Variants in ATP10B observed in about 807,000 individuals in gnomAD.
ATP10B encodes the protein phospholipid-transporting ATPase VB.
Under a neutral mutation model 141.2 loss-of-function variants are expected in ATP10B, and 122 were observed. The observed-to-expected ratio is 0.86, with a 90% CI of 0.75 to 1.00. ATP10B has a LOEUF of 1.00. ATP10B is among the 50% of genes least tolerant of loss of function. The probability of loss-of-function intolerance (pLI) is 0.00; values close to 1 mark genes in which losing one functional copy is unlikely to be tolerated. For missense variants in ATP10B, 1,876 were observed against 1,825.3 expected, an observed-to-expected ratio of 1.03 and a Z score of -0.51; for synonymous variants, 685 against 692.0, an observed-to-expected ratio of 0.99 and a Z score of 0.16.
At chr5:160,892,929 G>A in the ATP10B span, among the ~76,000 whole-genome samples, 483 of 152,260 alleles carry the variant, frequency 3.2e-3, 4 homozygotes, top group African/African-American at 0.011. Context: ...CATGTAACCC[G>A]GGAAGTGCAA....
intron 17 of ATP10B, among the ~76,000 whole-genome samples, chr5:160,614,738 T>A (rs905513886): frequency 5.9e-5 from 9 of 152,172 alleles, no homozygotes; most frequent in Non-Finnish European, 1.3e-4. Flanking sequence ...ACAGTGACCT[T>A]GGGTCTTTCC....
chr5:160,697,514 A>T (rs1004222745), intron 3 of ATP10B, among the ~76,000 whole-genome samples: 2 of 150,896 alleles, frequency 1.3e-5, no homozygotes, highest in Non-Finnish European at 3.0e-5. Context: ...CCTTATTCAC[A>T]GGCTACAAAA....
Position 160,565,316 on chromosome 5 carries a change from CT to C in ATP10B, c.*136del. On this transcript the variant is annotated 3_prime_UTR_variant, in exon 26 of 26. Transcript: ENST00000327245. ...TCAGACCCCTTGGGGCCAGCACTTC[CT>C]CCATGGAAGTCAAGGTTGTTGAAGA... is the stretch of plus-strand genomic sequence containing the variant. The C allele has an allele frequency of 1.1e-6, 1 of 929,086 alleles. No homozygotes were observed. The highest frequency in any genetic ancestry group is 2.5e-5 in the East Asian group (1 of 39,296). 57.6% of individuals were successfully genotyped at this position (929,086 alleles called of 1,614,324 possible). A position where few individuals can be genotyped will look rare whatever the true frequency, so the allele number is the denominator to read the frequency against.
At chr5:160,890,993 A>ATG in the ATP10B span, among the ~76,000 whole-genome samples, 12 of 126,016 alleles carry the variant, frequency 9.5e-5, no homozygotes, top group South Asian at 7.1e-4. Context: ...GTTTACGTGT[A>ATG]TGTGTGTGCG....
chr5:160,920,767 A>G, the ATP10B span, among the ~76,000 whole-genome samples: 32 of 152,300 alleles, frequency 2.1e-4, no homozygotes, highest in African/African-American at 7.2e-4. Context: ...GAGCTTGGCA[A>G]AAATGGAGAT....
At chr5:160,572,201 C>CT (rs1485777619) in intron 24 of ATP10B, among the ~76,000 whole-genome samples, 3 of 151,340 alleles carry the variant, frequency 2.0e-5, no homozygotes, top group African/African-American at 7.3e-5. Flanking sequence ...TTTTTTTCCC[C>CT]TTTTTTAAAG....
chr5:160,894,614 C>T, the ATP10B span, among the ~76,000 whole-genome samples: 4 of 152,070 alleles, frequency 2.6e-5, no homozygotes. Context: ...AATGGAACCA[C>T]GTTGGAAAAC....
intron 2 of ATP10B, among the ~76,000 whole-genome samples, chr5:160,727,672 C>G (rs1373867889): frequency 1.3e-5 from 2 of 152,034 alleles, no homozygotes; most frequent in African/African-American, 4.8e-5. Flanking sequence ...AGACTGAAAT[C>G]AGCTATGTGG....
In ATP10B at chr5:160,578,527, T is replaced by C. The variant is rs564097276; in HGVS notation, c.3751-8844A>G. On this transcript the variant is annotated intron_variant, in intron 24 of 25. Coordinates refer to ENST00000327245, the MANE Select transcript of ATP10B (RefSeq NM_025153.3). ...CCTTCAAAGGACAACTCATCCTTTT[T>C]TTATGGTTGCATAGTATTCCATGGT... Among the ~76,000 whole-genome samples the C allele has an allele frequency of 7.9e-5, 12 of 152,332 alleles. No individual in the cohort carries two copies. In the East Asian group the frequency reaches 2.3e-3, roughly 29 times the overall value.
chr5:160,657,833 C>G (rs184174803), intron 7 of ATP10B, among the ~76,000 whole-genome samples: 1 of 152,230 alleles, frequency 6.6e-6, no homozygotes, highest in African/African-American at 2.4e-5. Flanking sequence ...CTACAGCATC[C>G]GGCAGATAGA....
the ATP10B span, among the ~76,000 whole-genome samples, chr5:160,921,964 G>T: frequency 6.6e-6 from 1 of 152,238 alleles, no homozygotes; most frequent in African/African-American, 2.4e-5. Context: ...AAGAATAAAG[G>T]CCTAGGCCTC....
chr5:160,702,004 C>A (rs1764711254), intron 3 of ATP10B, among the ~76,000 whole-genome samples: 1 of 151,694 alleles, frequency 6.6e-6, no homozygotes, highest in African/African-American at 2.4e-5. Flanking sequence ...CCCCTCTACC[C>A]CAGTACTTTA....
the ATP10B span, among the ~76,000 whole-genome samples, chr5:160,900,917 T>TTTG: frequency 6.7e-6 from 1 of 149,404 alleles, no homozygotes; most frequent in Non-Finnish European, 1.5e-5. Context: ...AGTTTTTTTT[T>TTTG]TTTTTTTTTT....
At chr5:160,624,519 C>T (rs1011422928) in intron 13 of ATP10B, among the ~76,000 whole-genome samples, 2 of 152,240 alleles carry the variant, frequency 1.3e-5, no homozygotes, top group African/African-American at 4.8e-5. Flanking sequence ...ACATTTCCTT[C>T]CATTGCCCTG....
In ATP10B at chr5:160,804,128, T is replaced by A. The variant is rs573271342; in HGVS notation, c.-575-18325A>T. Among the ~76,000 whole-genome samples the A allele has an allele frequency of 5.0e-4, 76 of 152,306 alleles. 1 individual carries two copies. In the South Asian group the frequency reaches 0.015, roughly 30 times the overall value. Reference sequence around the variant, plus strand: ...GCACCCATACATAGAGATAAGCAGATCTATTTGGCCAAATAGCTACTTCTA... The same window carrying A: ...GCACCCATACATAGAGATAAGCAGAACTATTTGGCCAAATAGCTACTTCTA... On this transcript the variant is annotated intron_variant, in intron 1 of 25. Coordinates refer to ENST00000327245, the MANE Select transcript of ATP10B (RefSeq NM_025153.3).
chr5:160,645,059 G>A (rs1816050), intron 8 of ATP10B, among the ~76,000 whole-genome samples: 116,862 of 150,508 alleles, frequency 0.78, 45,959 homozygotes, highest in Middle Eastern at 0.85. Context: ...GGAGGTTGCC[G>A]TGAGCCAAGA....
chr5:160,823,001 C>CATATATATATATATATATATATATACAT (rs1774262726), intron 1 of ATP10B, among the ~76,000 whole-genome samples: 1 of 34,482 alleles, frequency 2.9e-5, no homozygotes. Context: ...TATATATATA[C>CATATATATATATATATATATATATACAT]ATATATATAT....
intron 2 of ATP10B, among the ~76,000 whole-genome samples, chr5:160,775,676 ATTTTT>A (rs10642787): frequency 8.6e-5 from 10 of 116,816 alleles, no homozygotes; most frequent in Admixed American, 3.8e-4. Context: ...CAAGTTTCAG[ATTTTT>A]TTTTTTTTTT....
intron 2 of ATP10B, among the ~76,000 whole-genome samples, chr5:160,774,752 G>A (rs992744613): frequency 6.6e-6 from 1 of 152,156 alleles, no homozygotes; most frequent in African/African-American, 2.4e-5. Flanking sequence ...AAGTAACAGA[G>A]ACACAAACTT....
Sources: gnomAD v4.1 joint callset for allele counts (sites outside exome capture counted in the v4.1 genomes callset) on GRCh38, gnomAD v4.1.1 for gene constraint, MANE v1.5 for transcripts, NCBI Gene and HGNC (gene_info 2026-07-23, HGNC 2026-07-21) for gene names.